The following ITPR1 variants were observed in gnomAD, a reference collection of about 807,000 sequenced individuals.
The protein encoded by ITPR1 is inositol 1,4,5-trisphosphate receptor type 1, also known as inositol 1,4,5-trisphosphate-gated calcium channel ITPR1.
ITPR1 carries 96 observed loss-of-function variants against 318.4 expected under a neutral mutation model. The ratio of observed to expected loss-of-function variants is 0.30; its 90% CI spans 0.26 to 0.36. ITPR1 has a LOEUF of 0.36. ITPR1 is among the 10% of genes least tolerant of loss of function. The probability of loss-of-function intolerance (pLI) is 1.00; values close to 1 mark genes in which losing one functional copy is unlikely to be tolerated. For synonymous variants in ITPR1, 1,312 were observed against 1,289.9 expected (o/e 1.02, Z -0.37); for missense variants, 2,440 against 3,460.2 (o/e 0.71, Z 7.40).
chr3:4,781,450 G>T (rs187596189), intron 49 of ITPR1, among the ~76,000 whole-genome samples: 1 of 152,266 alleles, frequency 6.6e-6, no homozygotes, highest in East Asian at 1.9e-4. Flanking sequence ...TCAGATATGA[G>T]CAGACCCAGT....
chr3:4,764,728 T>C (rs1480735369), intron 44 of ITPR1, among the ~76,000 whole-genome samples: 1 of 152,232 alleles, frequency 6.6e-6, no homozygotes, highest in Non-Finnish European at 1.5e-5. Context: ...ATTGAGCGTC[T>C]GCCACAGCTT....
chr3:4,587,720 A>T (rs150525818), intron 4 of ITPR1, among the ~76,000 whole-genome samples: 64 of 152,318 alleles, frequency 4.2e-4, no homozygotes, highest in African/African-American at 1.4e-3. Flanking sequence ...CACAGGATAA[A>T]GTGAGAAAAA....
chr3:4,691,547 G>A (rs1258684665), intron 32 of ITPR1, among the ~76,000 whole-genome samples: 1 of 152,160 alleles, frequency 6.6e-6, no homozygotes, highest in East Asian at 1.9e-4. Flanking sequence ...ATATTTCATA[G>A]CAACCAATTT....
chr3:4,585,750 T>TG (rs199554683), intron 4 of ITPR1, among the ~76,000 whole-genome samples: 5,084 of 152,082 alleles, frequency 0.033, 129 homozygotes, highest in Non-Finnish European at 0.053. Context: ...CATGCACTTT[T>TG]TTTTTTAACT....
chr3:4,582,447 G>A (rs765792398), intron 4 of ITPR1, among the ~76,000 whole-genome samples: 18 of 151,982 alleles, frequency 1.2e-4, no homozygotes, highest in African/African-American at 2.7e-4. Context: ...TTCTCCCCAC[G>A]CGTCCATGTG....
intron 33 of ITPR1, among the ~76,000 whole-genome samples, chr3:4,695,659 AGGTTTTG>A (rs2094545988): frequency 5.9e-5 from 9 of 152,188 alleles, no homozygotes; most frequent in South Asian, 4.1e-4. Context: ...TAGTTTTGTG[AGGTTTTG>A]GACTTCTTCT....
At chr3:4,797,352 G>C (rs1209743838) in intron 53 of ITPR1, among the ~76,000 whole-genome samples, 2 of 152,118 alleles carry the variant, frequency 1.3e-5, no homozygotes, top group East Asian at 1.9e-4. Context: ...TGACCTGAAA[G>C]TATTTCTTTG....
At chr3:4,751,825 A>T (rs2044549180) in intron 44 of ITPR1, among the ~76,000 whole-genome samples, 1 of 152,186 alleles carries the variant, frequency 6.6e-6, no homozygotes, top group African/African-American at 2.4e-5. Flanking sequence ...TAGATTCCTG[A>T]TGCAGGGACA....
chr3:4,605,076 A>G (rs971396296), intron 4 of ITPR1, among the ~76,000 whole-genome samples: 1 of 152,028 alleles, frequency 6.6e-6, no homozygotes, highest in African/African-American at 2.4e-5. Flanking sequence ...GGCTCAAGCA[A>G]TTCTCCTGTC....
intron 61 of ITPR1, among the ~76,000 whole-genome samples, chr3:4,843,731 A>G (rs975253419): frequency 6.6e-6 from 1 of 152,178 alleles, no homozygotes; most frequent in African/African-American, 2.4e-5. Flanking sequence ...AAGGATAGGG[A>G]CGGAGGGAGG....
intron 44 of ITPR1, among the ~76,000 whole-genome samples, chr3:4,737,986 C>G (rs2043398202): frequency 1.3e-5 from 2 of 152,132 alleles, no homozygotes; most frequent in Admixed American, 1.3e-4. Flanking sequence ...CGCATGTTCT[C>G]AGTTATAAGT....
chr3:4,609,016 A>C (rs374129824), intron 4 of ITPR1, among the ~76,000 whole-genome samples: 10,203 of 122,876 alleles, frequency 0.083, 1,006 homozygotes, highest in East Asian at 0.34. Context: ...AAAAAAAAAA[A>C]AAAAAAAAAC....
At chr3:4,748,770 C>T (rs563070711) in intron 44 of ITPR1, among the ~76,000 whole-genome samples, 1 of 152,270 alleles carries the variant, frequency 6.6e-6, no homozygotes, top group South Asian at 2.1e-4. Context: ...TAAGAGAACG[C>T]GGTGTTTTAA....
chr3:4,717,883 T>G (rs1273724407), intron 40 of ITPR1, among the ~76,000 whole-genome samples: 3 of 152,232 alleles, frequency 2.0e-5, no homozygotes. Flanking sequence ...TATAAAACTT[T>G]TTTTAAGCGC....
At chr3:4,677,647 T>C (rs946957157) in intron 24 of ITPR1, among the ~76,000 whole-genome samples, 1 of 152,184 alleles carries the variant, frequency 6.6e-6, no homozygotes, top group Non-Finnish European at 1.5e-5. Flanking sequence ...TTGGACAGAT[T>C]GCCTGTAAGG....
At chr3:4,669,210 C>T (rs111847307) in intron 18 of ITPR1, among the ~76,000 whole-genome samples, 6 of 152,298 alleles carry the variant, frequency 3.9e-5, no homozygotes, top group African/African-American at 1.4e-4. Context: ...TTTCTGTAGA[C>T]GAGCATCAAT....
At position 4,735,318 on chromosome 3, in the gene ITPR1, C is replaced by T. The variant is rs1411808985; in HGVS notation, c.5508C>T (p.Ala1836=). The T allele has an allele frequency of 7.4e-6, 12 of 1,613,934 alleles. No homozygotes were observed. The highest frequency in any genetic ancestry group is 1.0e-5 in the Non-Finnish European group (12 of 1,179,862). Reference sequence around the variant, plus strand: ...TGTTCCATGAAAGCATTCTCCTGGCCATTGCCCTTCTGGAAGGAGGCAACA... The same window carrying T: ...TGTTCCATGAAAGCATTCTCCTGGCTATTGCCCTTCTGGAAGGAGGCAACA... The part of the protein sequence containing the change: ...DRVFHESILL[A]IALLEGGNTT... Residue 1836 remains alanine, a synonymous_variant, in exon 44 of 62, where the codon GCC becomes GCT. Coordinates refer to ENST00000649015, the MANE Select transcript of ITPR1 (RefSeq NM_001378452.1).
intron 4 of ITPR1, among the ~76,000 whole-genome samples, chr3:4,606,711 T>C (rs2091731160): frequency 1.3e-5 from 2 of 152,178 alleles, no homozygotes; most frequent in African/African-American, 4.8e-5. Flanking sequence ...TAGCTACCTG[T>C]GGAGATATTT....
rs2082427063 is a variant in ITPR1, at chr3:4,519,818, ATCT to A, written c.93-1202_93-1200del. On this transcript the variant is annotated intron_variant, in intron 3 of 61. Transcript: ENST00000649015. ...AGATACTGAGCTGCCAGCCTTGGGC[ATCT>A]TCTGGCCTTCATGGAGCTGGTAGCC... is the stretch of plus-strand genomic sequence containing the variant. Among the ~76,000 whole-genome samples the A allele has an allele frequency of 2.0e-5, 3 of 152,284 alleles. No individual in the cohort carries two copies. In the South Asian group the frequency reaches 6.2e-4, roughly 32 times the overall value.
Sources: gnomAD v4.1 joint callset for allele counts (sites outside exome capture counted in the v4.1 genomes callset) on GRCh38, gnomAD v4.1.1 for gene constraint, MANE v1.5 for transcripts, NCBI Gene and HGNC (gene_info 2026-07-23, HGNC 2026-07-21) for gene names.